IQUB: variants seen among roughly 807,000 people sequenced by gnomAD.
IQUB encodes IQ motif and ubiquitin domain containing, also known as IQ motif and ubiquitin-like domain-containing protein.
In IQUB, 86 loss-of-function variants were observed where a neutral mutation model predicts 86.4. The observed-to-expected ratio is 1.00, with a 90% CI of 0.84 to 1.19. The LOEUF is 1.19. Ranked by LOEUF, IQUB falls within the 50% of genes most tolerant of loss-of-function variation. IQUB has a pLI of 0.00. For missense variants in IQUB, 946 were observed against 916.9 expected, an observed-to-expected ratio of 1.03 and a Z score of -0.41; for synonymous variants, 289 against 304.5, an observed-to-expected ratio of 0.95 and a Z score of 0.53.
At chr7:123,503,463 AT>A in intron 3 of IQUB, 100 bp from the exon 4 acceptor site, 1 of 675,354 alleles carries the variant, frequency 1.5e-6, no homozygotes, top group Non-Finnish European at 2.5e-6. Context: ...AATTGTATAT[AT>A]TGTGTACAGC....
intron 1 of IQUB, among the ~76,000 whole-genome samples, chr7:123,529,429 A>G (rs1335914221): frequency 6.6e-6 from 1 of 150,960 alleles, no homozygotes; most frequent in Non-Finnish European, 1.5e-5. Flanking sequence ...GCTAAGCCAC[A>G]TGGTAGTCAA....
At chr7:123,528,780 A>G (rs1797384740) in intron 1 of IQUB, among the ~76,000 whole-genome samples, 1 of 152,254 alleles carries the variant, frequency 6.6e-6, no homozygotes, top group Non-Finnish European at 1.5e-5. Context: ...TTAAGTGACA[A>G]ACATGACTAT....
intron 7 of IQUB, among the ~76,000 whole-genome samples, chr7:123,483,510 C>T (rs1795094216): frequency 2.0e-5 from 3 of 152,064 alleles, no homozygotes; most frequent in Non-Finnish European, 4.4e-5. Flanking sequence ...AACCCTATCA[C>T]TTCATTCCCA....
intron 3 of IQUB, among the ~76,000 whole-genome samples, chr7:123,506,745 C>T (rs1404899): frequency 7.2e-5 from 11 of 152,142 alleles, no homozygotes; most frequent in Admixed American, 5.2e-4. Flanking sequence ...CAAACCACAT[C>T]GCCCCCAGAA....
rs1584548270 is a variant in IQUB, at chr7:123,461,594, G to A, written c.1770C>T (p.Asp590=). The A allele has an allele frequency of 4.4e-6, 7 of 1,600,762 alleles. No homozygotes were observed. The highest frequency in any genetic ancestry group is 3.4e-6 in the Non-Finnish European group (4 of 1,174,454). The change falls in exon 11 of 13, where the codon GAC becomes GAT. Residue 590 remains aspartate (D), a synonymous_variant. Transcript: ENST00000324698. The part of the protein sequence containing the change: ...EVAKYLKVPQ[D]PLKFYKKIYF... ...AAATCTTCTTATAAAATTTCAATGG[G>A]TCTTGAGGGACCTAAATAAATAGTA... is the stretch of plus-strand genomic sequence containing the variant.
intron 7 of IQUB, among the ~76,000 whole-genome samples, chr7:123,490,980 C>A (rs1041438586): frequency 1.4e-3 from 202 of 144,424 alleles, no homozygotes; most frequent in African/African-American, 3.9e-3. Context: ...AAAAAAAAAA[C>A]AAACAAACCT....
intron 1 of IQUB, among the ~76,000 whole-genome samples, chr7:123,524,249 TG>T (rs1291850227): frequency 4.2e-5 from 6 of 143,196 alleles, no homozygotes; most frequent in African/African-American, 1.5e-4. Context: ...AGAAAGTCAT[TG>T]GTAGCTTGAT....
At chr7:123,517,530 C>CAAAAAA (rs374712007) in intron 1 of IQUB, among the ~76,000 whole-genome samples, 58 of 22,418 alleles carry the variant, frequency 2.6e-3, no homozygotes, top group Non-Finnish European at 3.2e-3. Context: ...GACTCCATCT[C>CAAAAAA]AAAAAAAAAA....
intron 1 of IQUB, among the ~76,000 whole-genome samples, chr7:123,523,699 T>C (rs1797027143): frequency 6.6e-6 from 1 of 151,966 alleles, no homozygotes. Flanking sequence ...CAGAAGCTCT[T>C]TAGTTTAATT....
rs73720263 is a variant in IQUB at position 123,493,796 on chromosome 7, T to C, written c.1234+2900A>G. Among the ~76,000 whole-genome samples, 1,007 of 147,314 alleles carry C rather than the reference T, an allele frequency of 6.8e-3. 14 individuals carry two copies. The highest frequency in any genetic ancestry group is 0.024 in the African/African-American group (960 of 40,186). ...GTGTGCATGTGTGTATATATACATA[T>C]ACACAAGTAGTACTACTACAAACAT... On this transcript the variant is annotated intron_variant, in intron 7 of 12. Transcript: ENST00000324698.
Position 123,503,096 on chromosome 7 carries a change from C to T in IQUB, c.715G>A (p.Val239Ile), listed in dbSNP as rs765382934. Residue 239 changes from valine to isoleucine, a missense_variant, in exon 5 of 13, where the codon GTA becomes ATA. By Grantham distance (29) the Val-to-Ile change is conservative. Coordinates refer to ENST00000324698, the MANE Select transcript of IQUB (RefSeq NM_178827.5). The stretch of plus-strand genomic sequence containing the variant: ...TCAGATTTGACAATCTCAACAGGTA[C>T]CTGCTGGTATTGATCAAGTCCTGAG... ...VQTGLDQYQQ[V>I]PVEIVKSDFH... 1.9e-6 allele frequency: 3 copies of T among 1,613,020 alleles called. No individual in the cohort carries two copies. The South Asian group carries it at 3.3e-5, about 18-fold the overall frequency.
At chr7:123,519,596 G>A (rs1457287726) in intron 1 of IQUB, among the ~76,000 whole-genome samples, 1 of 152,126 alleles carries the variant, frequency 6.6e-6, no homozygotes, top group Non-Finnish European at 1.5e-5. Context: ...AGCTTAAAAA[G>A]TTGATCTCAC....
intron 7 of IQUB, among the ~76,000 whole-genome samples, chr7:123,489,504 A>G (rs768798989): frequency 1.6e-4 from 25 of 151,976 alleles, no homozygotes; most frequent in Non-Finnish European, 2.9e-4. Flanking sequence ...TTTTATTTAA[A>G]ACTATAAAAT....
Position 123,452,918 on chromosome 7 carries a change from T to A in IQUB, c.2201A>T (p.Glu734Val), listed in dbSNP as rs1229655629. 5 of 1,605,744 alleles carry A rather than the reference T, an allele frequency of 3.1e-6. No individual in the cohort carries two copies. Among genetic ancestry groups the A allele is most frequent in the African/African-American group, 2.7e-5 (2 of 74,322 alleles). Residue 734 changes from glutamate (E) to valine (V), a missense_variant, in exon 13 of 13, where the codon GAA becomes GTA. Glu to Val is a moderately radical substitution (Grantham distance 121). Coordinates refer to ENST00000324698, the MANE Select transcript of IQUB (RefSeq NM_178827.5). The part of the protein sequence containing the change: ...LKLTSIEEGY[E>V]RSFIHKIKHK... Reference sequence around the variant, plus strand: ...TTTGATCTTGTGAATAAATGAGCGTTCATATCCCTGCAAAGAAAAAAATCA... The same window carrying A: ...TTTGATCTTGTGAATAAATGAGCGTACATATCCCTGCAAAGAAAAAAATCA...
chr7:123,502,934 A>T lies in IQUB; in HGVS notation c.867+10T>A. On this transcript the variant is annotated intron_variant, in intron 5 of 12. Coordinates refer to ENST00000324698, the MANE Select transcript of IQUB (RefSeq NM_178827.5). ...CTTCAAAAACCTAAAGAGACAAATA[A>T]AAACATTACCTGCGTATCCCTACAA... The T allele has an allele frequency of 6.3e-7, 1 of 1,598,142 alleles. No individual in the cohort carries two copies. Among genetic ancestry groups the T allele is most frequent in the East Asian group, 2.2e-5 (1 of 44,750 alleles).
intron 7 of IQUB, among the ~76,000 whole-genome samples, chr7:123,492,827 T>C (rs1795531179): frequency 6.6e-6 from 1 of 152,128 alleles, no homozygotes; most frequent in Admixed American, 6.6e-5. Context: ...AAGACAGATG[T>C]ATCTGCACTC....
rs1221073233 is a variant in IQUB at position 123,512,152 on chromosome 7, C to G, written c.189G>C (p.Gln63His). 3 of 1,613,852 alleles carry G rather than the reference C, an allele frequency of 1.9e-6. No individual in the cohort carries two copies. The highest frequency in any genetic ancestry group is 1.7e-5 in the Admixed American group (1 of 59,992). ...SESHAIHVEEQSDQSFSSLEP... is the reference protein window; with the variant it reads ...SESHAIHVEEHSDQSFSSLEP... ...CCAGGCTTGAAAAGCTTTGGTCACT[C>G]TGCTCCTCAACATGTATTGCATGGC... The change falls in exon 2 of 13, where the codon CAG (glutamine) becomes CAC (histidine). Residue 63 changes from glutamine to histidine, a missense_variant. Coordinates refer to ENST00000324698, the MANE Select transcript of IQUB (RefSeq NM_178827.5).
At position 123,525,882 on chromosome 7, in the gene IQUB, A is replaced by T. The variant is rs562042690; in HGVS notation, c.-5+8610T>A. On this transcript the variant is annotated intron_variant, in intron 1 of 12. Transcript: ENST00000324698. ...CTACACACTGCTTTGAATGCATCCC[A>T]GAGATGCTGGTATGTTGTGTCTTTG... Among the ~76,000 whole-genome samples the T allele has an allele frequency of 4.8e-5, 7 of 146,928 alleles. No homozygotes were observed. In the South Asian group the frequency reaches 1.6e-3, roughly 33 times the overall value.
intron 7 of IQUB, among the ~76,000 whole-genome samples, chr7:123,495,224 C>T (rs1795655511): frequency 6.6e-6 from 1 of 151,992 alleles, no homozygotes; most frequent in African/African-American, 2.4e-5. Context: ...TAACAGTTAC[C>T]TCAAATACTA....
Sources: allele counts gnomAD v4.1 joint callset (sites outside exome capture counted in the v4.1 genomes callset), GRCh38; gene constraint gnomAD v4.1.1; transcripts MANE v1.5; gene names NCBI Gene and HGNC (gene_info 2026-07-23, HGNC 2026-07-21).